Variants in FBXO5 observed in about 807,000 individuals in gnomAD.
FBXO5 encodes F-box only protein 5.
In FBXO5, 8 loss-of-function variants were observed where a neutral mutation model predicts 43.3. The ratio of observed to expected loss-of-function variants is 0.18; its 90% CI spans 0.11 to 0.33. The LOEUF is 0.33. FBXO5 is among the 10% of genes least tolerant of loss of function. The pLI is 1.00. For synonymous variants in FBXO5, 204 were observed against 193.7 expected, an observed-to-expected ratio of 1.05 and a Z score of -0.44; for missense variants, 491 against 535.7, an observed-to-expected ratio of 0.92 and a Z score of 0.82.
At chr6:152,972,081 T>A (rs146927848) in intron 4 of FBXO5, among the ~76,000 whole-genome samples, 191 bp downstream of exon 4, 1 of 152,136 alleles carries the variant, frequency 6.6e-6, no homozygotes, top group Admixed American at 6.5e-5. Flanking sequence ...AAGAGGACAC[T>A]AATGAAATCC....
chr6:152,971,224 C>A lies in FBXO5; in HGVS notation c.1283G>T (p.Ser428Ile). 1.9e-6 allele frequency: 3 copies of A among 1,613,782 alleles called. No individual in the cohort carries two copies. The highest frequency in any genetic ancestry group is 2.5e-6 in the Non-Finnish European group (3 of 1,179,858). The change falls in exon 5 of 5, where the codon AGT becomes ATT. Residue 428 changes from serine (S) to isoleucine (I), a missense_variant. By Grantham distance (142) the Ser-to-Ile change is moderately radical. Coordinates refer to ENST00000229758, the MANE Select transcript of FBXO5 (RefSeq NM_012177.5). The stretch of plus-strand genomic sequence containing the variant: ...ACCAGGCAGGGGACCTATTTTACAA[C>A]TGGCTTTGAGGAGCTTGCCATCTGA... ...DCSDGKLLKA[S>I]CKIGPLPGTK...
intron 1 of FBXO5, among the ~76,000 whole-genome samples, chr6:152,977,916 T>G (rs1023814080): frequency 6.6e-6 from 1 of 152,192 alleles, no homozygotes; most frequent in Non-Finnish European, 1.5e-5. Context: ...TCCTTAAAAT[T>G]AGAGCTAATA....
At position 152,980,256 on chromosome 6, in the gene FBXO5, T is replaced by A. The variant is rs546240958; in HGVS notation, c.103+2601A>T. On this transcript the variant is annotated intron_variant, in intron 1 of 4. Transcript: ENST00000229758. Reference sequence around the variant, plus strand: ...TCAGTTGAACCATTTCACTTATTTATCCAACATCCATTCAGTGACAGGGTA... The same window carrying A: ...TCAGTTGAACCATTTCACTTATTTAACCAACATCCATTCAGTGACAGGGTA... Among the ~76,000 whole-genome samples, 6 of 152,306 alleles carry A rather than the reference T, an allele frequency of 3.9e-5. No homozygotes were observed. The East Asian group carries it at 1.2e-3, about 29-fold the overall frequency.
intron 1 of FBXO5, among the ~76,000 whole-genome samples, chr6:152,976,731 C>T (rs1473962135): frequency 6.6e-6 from 1 of 152,154 alleles, no homozygotes; most frequent in East Asian, 1.9e-4. Context: ...GTTTTATTAC[C>T]ACCCTGCTCC....
Position 152,982,862 on chromosome 6 carries a change from G to A in FBXO5, c.98C>T (p.Ser33Leu). 2 of 1,508,874 alleles carry A rather than the reference G, an allele frequency of 1.3e-6. No homozygotes were observed. Among genetic ancestry groups the A allele is most frequent in the Non-Finnish European group, 1.8e-6 (2 of 1,135,370 alleles). 93.5% of individuals were successfully genotyped at this position (1,508,874 alleles called of 1,614,324 possible). A position where few individuals can be genotyped will look rare whatever the true frequency, so the allele number is the denominator to read the frequency against. Residue 33 changes from serine to leucine, a missense_variant, in exon 1 of 5, where the codon TCG becomes TTG. Physicochemically the swap from Ser to Leu is moderately radical, Grantham distance 145. Transcript: ENST00000229758. ...AVTAAGRPRP[S>L]DSCKEESSTL... ...CGACCGCTCCCCTCACTCACTATCCGAGGGTCGAGGGCGCCCGGCGGCTGT... is the reference window on the plus strand; with the variant it reads ...CGACCGCTCCCCTCACTCACTATCCAAGGGTCGAGGGCGCCCGGCGGCTGT...
chr6:152,976,226 A>G (rs6925204), intron 1 of FBXO5, among the ~76,000 whole-genome samples: 31,392 of 152,122 alleles, frequency 0.21, 3,488 homozygotes, highest in African/African-American at 0.29. Context: ...TTCACTATTA[A>G]CAATGATTGC....
At chr6:152,980,143 G>C (rs951547243) in intron 1 of FBXO5, among the ~76,000 whole-genome samples, 1 of 152,198 alleles carries the variant, frequency 6.6e-6, no homozygotes, top group Non-Finnish European at 1.5e-5. Flanking sequence ...GGAAATATGT[G>C]AAGTATTCAT....
intron 1 of FBXO5, among the ~76,000 whole-genome samples, chr6:152,979,508 C>G (rs1483688132): frequency 6.6e-6 from 1 of 152,156 alleles, no homozygotes; most frequent in Admixed American, 6.5e-5. Flanking sequence ...TAAAGTTACT[C>G]CTTTTTGTTC....
chr6:152,982,605 C>T (rs1301214988), intron 1 of FBXO5, among the ~76,000 whole-genome samples: 1 of 152,138 alleles, frequency 6.6e-6, no homozygotes, highest in Non-Finnish European at 1.5e-5. Context: ...CTGGAGTCCA[C>T]GGTCGGCGTG....
At chr6:152,976,993 G>A (rs977385326) in intron 1 of FBXO5, among the ~76,000 whole-genome samples, 6 of 152,174 alleles carry the variant, frequency 3.9e-5, no homozygotes, top group Admixed American at 2.6e-4. Context: ...CAGGGAAAAA[G>A]GCCAGATGCA....
chr6:152,982,830 C>T, intron 1 of FBXO5, 27 bp downstream of exon 1: 1 of 1,453,404 alleles, frequency 6.9e-7, no homozygotes, highest in Non-Finnish European at 9.1e-7. Context: ...CGTGCGCGCC[C>T]CCCTCGCGAC....
intron 2 of FBXO5, chr6:152,973,698 C>T (rs1778120190): frequency 6.6e-6 from 1 of 152,264 alleles, no homozygotes; most frequent in Non-Finnish European, 1.5e-5. Flanking sequence ...CCTGTGTCTA[C>T]TAAAAATACA....
intron 1 of FBXO5, among the ~76,000 whole-genome samples, chr6:152,977,525 G>A (rs201468453): frequency 6.6e-6 from 1 of 152,000 alleles, no homozygotes; most frequent in Non-Finnish European, 1.5e-5. Context: ...CTAAAATTAA[G>A]GGTTCAGCTG....
intron 1 of FBXO5, among the ~76,000 whole-genome samples, chr6:152,979,429 G>C (rs1778228932): frequency 6.6e-6 from 1 of 152,212 alleles, no homozygotes; most frequent in Non-Finnish European, 1.5e-5. Flanking sequence ...GAGGTAAGGT[G>C]CTATGATTTG....
In FBXO5 at chr6:152,970,940, A is replaced by T; in HGVS notation, c.*223T>A. On this transcript the variant is annotated 3_prime_UTR_variant, in exon 5 of 5. Transcript: ENST00000229758. The stretch of plus-strand genomic sequence containing the variant: ...CTTTTCCTTTTTTCTTAAAATATTT[A>T]AATTGTTTGATTTGTATTGAGAATT... The T allele has an allele frequency of 2.6e-6, 1 of 391,122 alleles. No individual in the cohort carries two copies. Among genetic ancestry groups the T allele is most frequent in the Non-Finnish European group, 4.5e-6 (1 of 223,944 alleles). 24.2% of individuals were successfully genotyped at this position (391,122 alleles called of 1,614,324 possible). A position where few individuals can be genotyped will look rare whatever the true frequency, so the allele number is the denominator to read the frequency against.
chr6:152,973,441 G>T (rs965285876), intron 2 of FBXO5: 1 of 235,904 alleles, frequency 4.2e-6, no homozygotes, highest in Admixed American at 5.0e-5. Context: ...CTGTATATAT[G>T]ATACCATGTT....
chr6:152,978,872 T>A (rs748099865), intron 1 of FBXO5, among the ~76,000 whole-genome samples: 1 of 151,840 alleles, frequency 6.6e-6, no homozygotes, highest in Non-Finnish European at 1.5e-5. Context: ...GTGCCTTTGG[T>A]ACCAACTACT....
At chr6:152,981,835 A>T (rs932863138) in intron 1 of FBXO5, among the ~76,000 whole-genome samples, 1 of 152,086 alleles carries the variant, frequency 6.6e-6, no homozygotes, top group Non-Finnish European at 1.5e-5. Flanking sequence ...GAATTGCTAA[A>T]TTTTTTCATT....
At chr6:152,976,417 G>A (rs906689502) in intron 1 of FBXO5, among the ~76,000 whole-genome samples, 5 of 152,112 alleles carry the variant, frequency 3.3e-5, no homozygotes, top group African/African-American at 1.2e-4. Flanking sequence ...CTACCTTACT[G>A]GATAGTAAAC....
Sources: gnomAD v4.1 joint callset for allele counts (sites outside exome capture counted in the v4.1 genomes callset) on GRCh38, gnomAD v4.1.1 for gene constraint, MANE v1.5 for transcripts, NCBI Gene and HGNC (gene_info 2026-07-23, HGNC 2026-07-21) for gene names.